The following CACNA1D variants were observed in gnomAD, a reference collection of about 807,000 sequenced individuals.
The protein encoded by CACNA1D is voltage-dependent L-type calcium channel subunit alpha-1D.
CACNA1D carries 55 observed loss-of-function variants against 257.1 expected under a neutral mutation model. The observed-to-expected ratio is 0.21, with a 90% CI of 0.17 to 0.27. The LOEUF (loss-of-function observed/expected upper bound fraction) is 0.27. Ranked by LOEUF, CACNA1D falls within the 10% of genes least tolerant of loss-of-function variation. The pLI is 1.00. For synonymous variants in CACNA1D, 980 were observed against 1,014.9 expected (o/e 0.97, Z 0.65); for missense variants, 1,876 against 2,784.0 (o/e 0.67, Z 7.34).
chr3:53,757,763 T>C (rs921416863), intron 29 of CACNA1D, among the ~76,000 whole-genome samples: 1 of 152,216 alleles, frequency 6.6e-6, no homozygotes, highest in Admixed American at 6.5e-5. Context: ...TCCCTGCCCA[T>C]GCGCCTCTGT....
At chr3:53,517,205 AC>A (rs2107303298) in intron 3 of CACNA1D, among the ~76,000 whole-genome samples, 1 of 6,480 alleles carries the variant, frequency 1.5e-4, no homozygotes, top group Admixed American at 1.8e-3. Flanking sequence ...CTAATCCCTC[AC>A]TGCAAGGCCC....
intron 46 of CACNA1D, chr3:53,809,716 A>G (rs940470954): frequency 1.1e-5 from 6 of 533,584 alleles, no homozygotes; most frequent in Admixed American, 6.3e-5. Flanking sequence ...AAGCAATTTC[A>G]TGAATTAGCA....
intron 4 of CACNA1D, among the ~76,000 whole-genome samples, chr3:53,658,328 G>A (rs572108262): frequency 6.6e-6 from 1 of 152,146 alleles, no homozygotes; most frequent in South Asian, 2.1e-4. Context: ...GAAGGAGAGG[G>A]ACTTTCCTAA....
chr3:53,719,806 C>T (rs761360115), intron 11 of CACNA1D, 25 bp downstream of exon 11: 78 of 1,608,374 alleles, frequency 4.8e-5, no homozygotes, highest in Non-Finnish European at 6.2e-5. Flanking sequence ...TCTGTTTCTT[C>T]GTCAGCCTGT....
chr3:53,675,615 T>C (rs11720002), intron 8 of CACNA1D, among the ~76,000 whole-genome samples: 43,204 of 151,584 alleles, frequency 0.29, 6,070 homozygotes, highest in Middle Eastern at 0.38. Context: ...GAGAAAAAGA[T>C]GGGCGGGGGG....
intron 40 of CACNA1D, among the ~76,000 whole-genome samples, chr3:53,795,464 G>A (rs1457771859): frequency 6.6e-6 from 1 of 152,206 alleles, no homozygotes; most frequent in Non-Finnish European, 1.5e-5. Context: ...AGTGTCACAG[G>A]AAGAACAGGC....
At chr3:53,771,833 C>A (rs140791888) in intron 32 of CACNA1D, among the ~76,000 whole-genome samples, 1 of 152,162 alleles carries the variant, frequency 6.6e-6, no homozygotes, top group Non-Finnish European at 1.5e-5. Context: ...AGAAAATGCA[C>A]GTAGGTATGT....
In CACNA1D at chr3:53,760,835, C is replaced by T. The variant is rs902859380; in HGVS notation, c.3787-1163C>T. On this transcript the variant is annotated intron_variant, in intron 29 of 47. Transcript: ENST00000350061. ...AAGTTGGTGGACAAAGGGGACATTG[C>T]CCATGTCAAGCACTGACTGGGTTCA... 7.3e-4 allele frequency among the ~76,000 whole-genome samples: 111 copies of T among 152,294 alleles called. 1 individual carries two copies. The highest frequency in any genetic ancestry group is 2.6e-3 in the African/African-American group (110 of 41,562).
At chr3:53,520,868 TTCTTTCTTTCTTTC>T (rs2091532064) in intron 3 of CACNA1D, among the ~76,000 whole-genome samples, 1 of 81,554 alleles carries the variant, frequency 1.2e-5, no homozygotes. Flanking sequence ...CTTTCTTTCT[TTCTTTCTTTCTTTC>T]TTTCTTTCTT....
intron 3 of CACNA1D, among the ~76,000 whole-genome samples, chr3:53,581,168 G>T (rs1326287427): frequency 6.6e-6 from 1 of 152,220 alleles, no homozygotes; most frequent in South Asian, 2.1e-4. Context: ...CCTTGTACAT[G>T]TGTGAGGACT....
intron 8 of CACNA1D, among the ~76,000 whole-genome samples, chr3:53,695,178 G>C (rs2094562400): frequency 6.6e-6 from 1 of 152,180 alleles, no homozygotes. Flanking sequence ...GGTCCCCGTG[G>C]AGGAGGTGCT....
In CACNA1D at chr3:53,772,826, C is replaced by T. The variant is rs765428468; in HGVS notation, c.4045-7C>T. On this transcript the variant is annotated splice_polypyrimidine_tract_variant and splice_region_variant and intron_variant, in intron 32 of 47. Transcript: ENST00000350061. The stretch of plus-strand genomic sequence containing the variant: ...TGGTGCTGAGCCAAGTGCCTTTTCT[C>T]TCCCAGGCGCTCCCGTATGTGGCCC... The T allele has an allele frequency of 1.2e-6, 2 of 1,606,916 alleles. No homozygotes were observed. Among genetic ancestry groups the T allele is most frequent in the South Asian group, 2.2e-5 (2 of 90,208 alleles).
chr3:53,502,558 T>TA (rs1048412619), intron 3 of CACNA1D, among the ~76,000 whole-genome samples: 93 of 150,648 alleles, frequency 6.2e-4, no homozygotes, highest in East Asian at 2.3e-3. Flanking sequence ...GTTTTTTTTT[T>TA]AAAAAAAAAG....
chr3:53,552,032 T>C (rs1236922386), intron 3 of CACNA1D, among the ~76,000 whole-genome samples: 1 of 152,200 alleles, frequency 6.6e-6, no homozygotes, highest in African/African-American at 2.4e-5. Flanking sequence ...GCTATCCCAC[T>C]CCTGACCTAT....
At chr3:53,529,482 T>A (rs978735945) in intron 3 of CACNA1D, among the ~76,000 whole-genome samples, 12 of 152,226 alleles carry the variant, frequency 7.9e-5, no homozygotes, top group African/African-American at 2.9e-4. Flanking sequence ...AATGTCCCTG[T>A]CTGGCTTTGG....
chr3:53,786,738 C>G, intron 39 of CACNA1D, 84 bp from the exon 40 acceptor site: 2 of 861,496 alleles, frequency 2.3e-6, no homozygotes, highest in South Asian at 1.3e-5. Flanking sequence ...TCTGCCCCTG[C>G]CCCTGCCCCA....
At chr3:53,530,052 G>A (rs960976403) in intron 3 of CACNA1D, among the ~76,000 whole-genome samples, 1 of 152,114 alleles carries the variant, frequency 6.6e-6, no homozygotes, top group Admixed American at 6.6e-5. Context: ...TGTATTGGTG[G>A]CATTGTTGGT....
intron 3 of CACNA1D, among the ~76,000 whole-genome samples, chr3:53,582,908 C>A (rs1386357545): frequency 1.3e-5 from 2 of 152,160 alleles, no homozygotes; most frequent in African/African-American, 4.8e-5. Context: ...GCACCTTTCC[C>A]CCACAACTTT....
intron 3 of CACNA1D, among the ~76,000 whole-genome samples, chr3:53,510,816 G>T (rs551376967): frequency 7.9e-5 from 12 of 152,148 alleles, no homozygotes; most frequent in Non-Finnish European, 1.8e-4. Context: ...CATCTGGTTA[G>T]AGTAGAAAGT....
Sources: gnomAD v4.1 joint callset for allele counts (sites outside exome capture counted in the v4.1 genomes callset) on GRCh38, gnomAD v4.1.1 for gene constraint, MANE v1.5 for transcripts, NCBI Gene and HGNC (gene_info 2026-07-23, HGNC 2026-07-21) for gene names.